Variants in SUPT3H observed in about 807,000 individuals in gnomAD.
SUPT3H encodes SPT3 homolog, SAGA and STAGA complex component.
A neutral mutation model predicts 44.3 loss-of-function variants in SUPT3H; 44 were observed. That is an observed-to-expected ratio of 0.99 (90% CI 0.78 to 1.28). The LOEUF (loss-of-function observed/expected upper bound fraction) is 1.28, where lower values mean the gene tolerates loss of function less well. Ranked by LOEUF, SUPT3H falls within the 50% of genes most tolerant of loss-of-function variation. SUPT3H has a pLI of 0.00. For synonymous variants in SUPT3H, 124 were observed against 125.6 expected (o/e 0.99, Z 0.09); for missense variants, 380 against 387.1 (o/e 0.98, Z 0.15).
At chr6:45,108,476 C>T (rs1399733789) in intron 2 of SUPT3H, among the ~76,000 whole-genome samples, 3 of 152,036 alleles carry the variant, frequency 2.0e-5, no homozygotes, top group Non-Finnish European at 4.4e-5. Flanking sequence ...AATCCTATTG[C>T]TTGTATTTTT....
rs947278988 is a variant in SUPT3H at position 45,095,761 on chromosome 6, T to C, written c.186+10161A>G. Among the ~76,000 whole-genome samples the C allele has an allele frequency of 1.3e-5, 2 of 152,148 alleles. No individual in the cohort carries two copies. The highest frequency in any genetic ancestry group is 4.8e-5 in the African/African-American group (2 of 41,456). ...CATCTGAAATCATTACTTTTTGAAC[T>C]TGAAAGAGATATTGACAACATCATA... On this transcript the variant is annotated intron_variant, in intron 3 of 10. Transcript: ENST00000371459. The surrounding 1 kb of genome is among the most constrained non-coding windows in gnomAD (Gnocchi z 4.1).
At chr6:45,298,314 C>T (rs1480880026) in intron 2 of SUPT3H, among the ~76,000 whole-genome samples, 1 of 151,794 alleles carries the variant, frequency 6.6e-6, no homozygotes, top group Non-Finnish European at 1.5e-5. Context: ...GTTTTAGAAT[C>T]AGGAAAAACT....
chr6:45,160,360 A>G (rs1308665762), intron 2 of SUPT3H, among the ~76,000 whole-genome samples: 1 of 152,174 alleles, frequency 6.6e-6, no homozygotes, highest in Non-Finnish European at 1.5e-5. Flanking sequence ...AATGTAGAGG[A>G]CAAAATAAAT....
chr6:45,079,889 A>G (rs1453316167), intron 3 of SUPT3H, among the ~76,000 whole-genome samples: 1 of 152,306 alleles, frequency 6.6e-6, no homozygotes, highest in East Asian at 1.9e-4. Context: ...ATTGGACTGG[A>G]CAAAGATTTC....
chr6:45,073,546 T>C (rs950490036), intron 3 of SUPT3H, among the ~76,000 whole-genome samples: 3 of 151,944 alleles, frequency 2.0e-5, no homozygotes, highest in Non-Finnish European at 4.4e-5. Flanking sequence ...CACAAAGCCA[T>C]CTCCTTTGAT....
At chr6:45,322,754 T>G in intron 2 of SUPT3H, 2 of 670,594 alleles carry the variant, frequency 3.0e-6, no homozygotes, top group East Asian at 5.3e-5. Context: ...TTCCTAAAAA[T>G]AAGCCTACAA....
chr6:44,952,337 G>A (rs1235178274), intron 9 of SUPT3H, among the ~76,000 whole-genome samples: 1 of 152,146 alleles, frequency 6.6e-6, no homozygotes, highest in Non-Finnish European at 1.5e-5. Context: ...TAGAAAAAGG[G>A]TTTATAGTTT....
rs1257628698 is a variant in SUPT3H, at chr6:45,074,974, T to TA, written c.186+30947dup. 5.9e-5 allele frequency among the ~76,000 whole-genome samples: 9 copies of TA among 152,210 alleles called. No individual in the cohort carries two copies. In the East Asian group the frequency reaches 1.7e-3, roughly 29 times the overall value. On this transcript the variant is annotated intron_variant, in intron 3 of 10. Transcript: ENST00000371459. ...TGCTACAAATTATTTATTTTTGTGT[T>TA]AAAAATGAATGTCTTAAATTTACTT...
intron 2 of SUPT3H, among the ~76,000 whole-genome samples, chr6:45,242,636 A>G (rs1000152670): frequency 6.6e-6 from 1 of 152,230 alleles, no homozygotes; most frequent in African/African-American, 2.4e-5. Flanking sequence ...ACTAATTCTA[A>G]GAAAATTTTA....
At chr6:44,877,473 A>C (rs1046469333) in intron 10 of SUPT3H, among the ~76,000 whole-genome samples, 1 of 151,906 alleles carries the variant, frequency 6.6e-6, no homozygotes, top group African/African-American at 2.4e-5. Context: ...AGTCTCAAAA[A>C]AAAAAAAAAA....
In SUPT3H at chr6:45,020,545, C is replaced by T. The variant is rs950301739; in HGVS notation, c.273+1G>A. On this transcript the variant is annotated splice_donor_variant, in intron 4 of 10. Transcript: ENST00000371459. LOFTEE classifies it high-confidence loss of function. ...AATACAATAAAATTATGTTATATTA[C>T]CTTATCTTTGCGCATCAAAAACAGA... is the stretch of plus-strand genomic sequence containing the variant. 18 of 1,608,106 alleles carry T rather than the reference C, an allele frequency of 1.1e-5. No individual in the cohort carries two copies. The highest frequency in any genetic ancestry group is 1.4e-5 in the Non-Finnish European group (17 of 1,176,038).
chr6:45,093,465 G>T (rs544411913), intron 3 of SUPT3H, among the ~76,000 whole-genome samples: 39 of 152,244 alleles, frequency 2.6e-4, no homozygotes, highest in African/African-American at 8.7e-4. Flanking sequence ...GGGGAAAGAA[G>T]ATGCAGAGTT....
intron 10 of SUPT3H, among the ~76,000 whole-genome samples, chr6:44,876,667 T>G (rs1322616160): frequency 6.8e-6 from 1 of 146,122 alleles, no homozygotes; most frequent in Non-Finnish European, 1.5e-5. Context: ...AAAAAAAAAT[T>G]AAAAAAAAAA....
chr6:44,916,267 T>C (rs486081), intron 10 of SUPT3H, among the ~76,000 whole-genome samples: 2,096 of 152,338 alleles, frequency 0.014, 56 homozygotes, highest in African/African-American at 0.048. Flanking sequence ...CTTTCATTTT[T>C]TTCTTTCAAT....
In SUPT3H at chr6:44,942,776, G is replaced by T. The variant is rs1388390769; in HGVS notation, c.802-10013C>A. Among the ~76,000 whole-genome samples, 3 of 152,176 alleles carry T rather than the reference G, an allele frequency of 2.0e-5. No homozygotes were observed. In the East Asian group the frequency reaches 5.8e-4, roughly 29 times the overall value. ...AAGTTCTTCCTGTATGGTATGAAAT[G>T]CATGCAATCTCACTAAAGCAAAAAG... is the stretch of plus-strand genomic sequence containing the variant. On this transcript the variant is annotated intron_variant, in intron 9 of 10. Transcript: ENST00000371459.
At chr6:45,215,907 A>C (rs1317940897) in intron 2 of SUPT3H, among the ~76,000 whole-genome samples, 4 of 152,210 alleles carry the variant, frequency 2.6e-5, no homozygotes, top group Admixed American at 1.3e-4. Flanking sequence ...TCAAAGCCAG[A>C]ATTCTAAAAA....
intron 2 of SUPT3H, among the ~76,000 whole-genome samples, chr6:45,166,583 CAAAA>C (rs3054765): frequency 7.2e-5 from 7 of 96,552 alleles, no homozygotes; most frequent in Admixed American, 1.1e-4. Flanking sequence ...AGACTCCATC[CAAAA>C]AAAAAAAAAA....
chr6:45,057,637 T>C (rs749473296), intron 3 of SUPT3H, among the ~76,000 whole-genome samples: 6 of 152,126 alleles, frequency 3.9e-5, no homozygotes, highest in Non-Finnish European at 7.4e-5. Flanking sequence ...CTCATAGTTT[T>C]TCAGTAGTCA....
At chr6:44,891,574 G>T (rs564240283) in intron 10 of SUPT3H, among the ~76,000 whole-genome samples, 3 of 152,162 alleles carry the variant, frequency 2.0e-5, no homozygotes, top group Non-Finnish European at 4.4e-5. Flanking sequence ...AAAGTCGATA[G>T]AGGCTATTAG....
Sources: gnomAD v4.1 joint callset for allele counts (sites outside exome capture counted in the v4.1 genomes callset) on GRCh38, gnomAD v4.1.1 for gene constraint, Gnocchi (gnomAD v3.1) non-coding constraint, MANE v1.5 for transcripts, NCBI Gene and HGNC (gene_info 2026-07-23, HGNC 2026-07-21) for gene names.